FRYL: variants seen among roughly 807,000 people sequenced by gnomAD.
The protein encoded by FRYL is FRY like transcription coactivator.
Under a neutral mutation model 351.2 loss-of-function variants are expected in FRYL, and 150 were observed. That is an observed-to-expected ratio of 0.43 (90% CI 0.37 to 0.49). FRYL has a LOEUF of 0.49. Ranked by LOEUF, FRYL falls within the 20% of genes least tolerant of loss-of-function variation. The probability of loss-of-function intolerance (pLI) is 0.00; values close to 1 mark genes in which losing one functional copy is unlikely to be tolerated. For synonymous variants in FRYL, 1,153 were observed against 1,257.1 expected (o/e 0.92, Z 1.75); for missense variants, 3,036 against 3,619.3 (o/e 0.84, Z 4.13).
At chr4:48,554,662 G>C (rs1294897401) in intron 35 of FRYL, among the ~76,000 whole-genome samples, 1 of 152,208 alleles carries the variant, frequency 6.6e-6, no homozygotes, top group South Asian at 2.1e-4. Context: ...TGGTTACCCA[G>C]TGATAACCTT....
intron 3 of FRYL, among the ~76,000 whole-genome samples, chr4:48,639,482 A>T (rs1445316841): frequency 6.2e-4 from 5 of 8,116 alleles, no homozygotes. Flanking sequence ...AGAAATCCAC[A>T]TGTTAAAAAA....
rs753858576 is a variant in FRYL at position 48,540,534 on chromosome 4, T to C, written c.6114A>G (p.Ser2038=). The change falls in exon 46 of 64, where the codon TCA becomes TCG. Residue 2038 remains serine (S), a synonymous_variant. Coordinates refer to ENST00000358350, the MANE Select transcript of FRYL (RefSeq NM_015030.2). Reference sequence around the variant, plus strand: ...CATTTTCAATCTTCTCTCGACTCTCTGATTTATCCAAAGGCAAATGGATAA... The same window carrying C: ...CATTTTCAATCTTCTCTCGACTCTCCGATTTATCCAAAGGCAAATGGATAA... ...KLLIHLPLDK[S]ESREKIENVQ... 3 of 1,613,894 alleles carry C rather than the reference T, an allele frequency of 1.9e-6. No individual in the cohort carries two copies. Among genetic ancestry groups the C allele is most frequent in the Non-Finnish European group, 2.5e-6 (3 of 1,179,894 alleles).
intron 24 of FRYL, 115 bp downstream of exon 24, chr4:48,575,914 TA>T: frequency 1.2e-6 from 1 of 819,280 alleles, no homozygotes; most frequent in South Asian, 2.3e-5. Context: ...TTTTTGCAAG[TA>T]AGTAACACAT....
rs139074787 is a variant in FRYL at position 48,551,047 on chromosome 4, C to A, written c.4521-343G>T. 4.5e-3 allele frequency among the ~76,000 whole-genome samples: 675 copies of A among 150,142 alleles called. 4 individuals carry two copies. The highest frequency in any genetic ancestry group is 0.015 in the African/African-American group (626 of 40,764). ...GCACCACTGCACTCCAGTCTGGCAACAGAGCGAGACTCCATCTCAATAAAA... is the reference window on the plus strand; with the variant it reads ...GCACCACTGCACTCCAGTCTGGCAAAAGAGCGAGACTCCATCTCAATAAAA... On this transcript the variant is annotated intron_variant, in intron 37 of 63. Transcript: ENST00000358350.
chr4:48,747,160 T>A (rs1397531674), intron 1 of FRYL, among the ~76,000 whole-genome samples: 1 of 20,404 alleles, frequency 4.9e-5, no homozygotes, highest in Non-Finnish European at 1.5e-4. Context: ...ATATTTCCCC[T>A]ATCCCCCCCC....
chr4:48,671,875 A>AC (rs1762799298), intron 3 of FRYL, among the ~76,000 whole-genome samples: 1 of 144,682 alleles, frequency 6.9e-6, no homozygotes, highest in Non-Finnish European at 1.5e-5. Context: ...AAAAAAAACA[A>AC]AAAAAAAAAA....
chr4:48,777,677 C>A (rs1776162937), intron 1 of FRYL, among the ~76,000 whole-genome samples: 1 of 152,188 alleles, frequency 6.6e-6, no homozygotes, highest in Non-Finnish European at 1.5e-5. Flanking sequence ...CATATGTTCT[C>A]TTCTAAAAGT....
intron 2 of FRYL, among the ~76,000 whole-genome samples, chr4:48,704,942 T>C (rs1284913625): frequency 3.9e-5 from 4 of 103,362 alleles, no homozygotes; most frequent in South Asian, 3.3e-4. Flanking sequence ...AGAGCGAGAC[T>C]CCGTCTCAAA....
intron 36 of FRYL, among the ~76,000 whole-genome samples, chr4:48,552,009 T>C (rs1354493298): frequency 6.6e-6 from 1 of 152,202 alleles, no homozygotes; most frequent in Non-Finnish European, 1.5e-5. Flanking sequence ...GTGGCTGTCT[T>C]TCCCCACTTC....
At chr4:48,630,214 G>C (rs964970417) in intron 4 of FRYL, among the ~76,000 whole-genome samples, 1 of 152,006 alleles carries the variant, frequency 6.6e-6, no homozygotes, top group African/African-American at 2.4e-5. Context: ...AGTCAAAAAG[G>C]CTCCTCTGTG....
chr4:48,512,723 A>C, intron 56 of FRYL, 35 bp from the exon 57 acceptor site: 1 of 1,489,524 alleles, frequency 6.7e-7, no homozygotes, highest in Non-Finnish European at 9.4e-7. Flanking sequence ...TCATAACACT[A>C]TCTCAGAAAA....
chr4:48,745,424 T>C (rs978032664), intron 1 of FRYL, among the ~76,000 whole-genome samples: 2 of 152,064 alleles, frequency 1.3e-5, no homozygotes, highest in African/African-American at 2.4e-5. Flanking sequence ...TATGCAGCCA[T>C]AAAAAAGGAT....
At chr4:48,733,634 T>C (rs756286370) in intron 1 of FRYL, among the ~76,000 whole-genome samples, 29 of 152,122 alleles carry the variant, frequency 1.9e-4, no homozygotes, top group East Asian at 1.3e-3. Flanking sequence ...AAATTATATA[T>C]GCATACATAT....
intron 7 of FRYL, among the ~76,000 whole-genome samples, chr4:48,610,165 C>A (rs1747755375): frequency 1.3e-5 from 2 of 152,056 alleles, no homozygotes; most frequent in African/African-American, 4.8e-5. Flanking sequence ...AGAAAAGCAC[C>A]TTTGTAATGA....
chr4:48,608,495 A>G (rs2149273073), intron 9 of FRYL, among the ~76,000 whole-genome samples: 1 of 152,330 alleles, frequency 6.6e-6, no homozygotes, highest in Non-Finnish European at 1.5e-5. Flanking sequence ...CTCAATGTGT[A>G]TAACTCTTAA....
At chr4:48,546,501 T>C in intron 41 of FRYL, 1 of 502,494 alleles carries the variant, frequency 2.0e-6, no homozygotes, top group Non-Finnish European at 3.6e-6. Flanking sequence ...TTGGATGTAC[T>C]ATGCAGTCCT....
chr4:48,682,432 TA>T lies in FRYL; in HGVS notation c.-81+2240del, dbSNP rs1324889398. Among the ~76,000 whole-genome samples, 6 of 152,058 alleles carry T rather than the reference TA, an allele frequency of 3.9e-5. No individual in the cohort carries two copies. In the South Asian group the frequency reaches 8.3e-4, roughly 21 times the overall value. Reference sequence around the variant, plus strand: ...CCAAAATTGACAAATGGGATCTAATTAAAGAGCTTCTGCACAGCCAAAGAAA... The same window carrying T: ...CCAAAATTGACAAATGGGATCTAATTAAGAGCTTCTGCACAGCCAAAGAAA... On this transcript the variant is annotated intron_variant, in intron 3 of 63. Transcript: ENST00000358350.
chr4:48,580,832 C>A, intron 22 of FRYL, 33 bp downstream of exon 22: 2 of 1,418,206 alleles, frequency 1.4e-6, no homozygotes, highest in East Asian at 2.3e-5. Context: ...AGTCTCAAAA[C>A]AAGATTGGGT....
rs1719038224 is a variant in FRYL at position 48,499,350 on chromosome 4, T to A, written c.*72A>T. On this transcript the variant is annotated 3_prime_UTR_variant, in exon 64 of 64. Transcript: ENST00000358350. Reference sequence around the variant, plus strand: ...AGAAAGTTATCAGTGAATGCAAGGGTCCATAAAAGGTGCTTGGTTAATATT... The same window carrying A: ...AGAAAGTTATCAGTGAATGCAAGGGACCATAAAAGGTGCTTGGTTAATATT... The A allele has an allele frequency of 3.8e-6, 5 of 1,324,234 alleles. No individual in the cohort carries two copies. The South Asian group carries it at 5.0e-5, about 13-fold the overall frequency. The allele number at this position is 1,324,234 out of a possible 1,614,324, so 82.0% of individuals were successfully genotyped here.
Sources: allele counts gnomAD v4.1 joint callset (sites outside exome capture counted in the v4.1 genomes callset), GRCh38; gene constraint gnomAD v4.1.1; transcripts MANE v1.5; gene names NCBI Gene and HGNC (gene_info 2026-07-23, HGNC 2026-07-21).